RB1: variants seen among roughly 807,000 people sequenced by gnomAD.
RB1 encodes retinoblastoma-associated protein.
A neutral mutation model predicts 135.4 loss-of-function variants in RB1; 18 were observed. The observed-to-expected ratio is 0.13, with a 90% CI of 0.09 to 0.20. The LOEUF (loss-of-function observed/expected upper bound fraction) is 0.20, where lower values mean the gene tolerates loss of function less well. Among genes scored for constraint, RB1 ranks in the 10% least tolerant of loss-of-function variants. The pLI is 1.00. For missense variants in RB1, 868 were observed against 1,110.0 expected, an observed-to-expected ratio of 0.78 and a Z score of 3.10; for synonymous variants, 365 against 373.2, an observed-to-expected ratio of 0.98 and a Z score of 0.25.
intron 7 of RB1, chr13:48,360,723 T>C (rs1952631781): frequency 6.6e-6 from 1 of 152,482 alleles, no homozygotes; most frequent in Admixed American, 6.5e-5. Flanking sequence ...TAGATAGCAT[T>C]AAGGAAGTAT....
At chr13:48,408,681 A>G (rs1407333805) in intron 17 of RB1, 2 of 152,142 alleles carry the variant, frequency 1.3e-5, no homozygotes, top group African/African-American at 2.4e-5. Flanking sequence ...CTTTTTTTCC[A>G]TAGTTCTAGA....
intron 2 of RB1, among the ~76,000 whole-genome samples, chr13:48,321,781 A>G (rs1952244162): frequency 6.6e-6 from 1 of 152,120 alleles, no homozygotes; most frequent in Admixed American, 6.5e-5. Flanking sequence ...ACATGAACCC[A>G]GGAGGCGGAG....
chr13:48,338,742 G>T (rs190910676), intron 2 of RB1, among the ~76,000 whole-genome samples: 2 of 152,182 alleles, frequency 1.3e-5, no homozygotes, highest in East Asian at 3.9e-4. Context: ...TCCTTTGGAG[G>T]GGGAGAGGCA....
chr13:48,414,956 G>A (rs1948883185), intron 17 of RB1, among the ~76,000 whole-genome samples: 1 of 151,724 alleles, frequency 6.6e-6, no homozygotes, highest in South Asian at 2.1e-4. Context: ...TATTCTCATT[G>A]GAAAAAATTT....
chr13:48,323,240 A>G (rs142284886), intron 2 of RB1, among the ~76,000 whole-genome samples: 321 of 152,166 alleles, frequency 2.1e-3, no homozygotes, highest in Non-Finnish European at 3.5e-3. Flanking sequence ...TTTCTGAATC[A>G]GTTTTTATAC....
intron 18 of RB1, among the ~76,000 whole-genome samples, chr13:48,454,825 C>G (rs908354074): frequency 6.6e-6 from 1 of 152,164 alleles, no homozygotes. Context: ...GGCTGTAGGG[C>G]AGATCAAACT....
chr13:48,306,225 C>G (rs1034738667), intron 1 of RB1, among the ~76,000 whole-genome samples: 6 of 152,114 alleles, frequency 3.9e-5, no homozygotes, highest in African/African-American at 1.4e-4. Flanking sequence ...GGCAACAAAA[C>G]AAGACCCTGT....
chr13:48,431,339 AT>A (rs1366943818), intron 17 of RB1, among the ~76,000 whole-genome samples: 1 of 152,160 alleles, frequency 6.6e-6, no homozygotes, highest in East Asian at 1.9e-4. Flanking sequence ...TAGATGATTG[AT>A]TTTTAAGGAC....
intron 17 of RB1, among the ~76,000 whole-genome samples, chr13:48,433,964 T>G (rs2138286381): frequency 6.6e-6 from 1 of 152,090 alleles, no homozygotes; most frequent in Non-Finnish European, 1.5e-5. Context: ...ACTCAAGTTA[T>G]TCTCCTGCCT....
chr13:48,313,265 A>AT (rs1426984933), intron 2 of RB1, among the ~76,000 whole-genome samples: 1 of 151,916 alleles, frequency 6.6e-6, no homozygotes, highest in Admixed American at 6.6e-5. Context: ...CTTATAAGAT[A>AT]TATTATTTGC....
At chr13:48,337,592 C>T (rs1245862477) in intron 2 of RB1, among the ~76,000 whole-genome samples, 3 of 152,136 alleles carry the variant, frequency 2.0e-5, no homozygotes, top group African/African-American at 7.2e-5. Flanking sequence ...TGAGATGGAT[C>T]TCCTGAATAC....
intron 17 of RB1, among the ~76,000 whole-genome samples, chr13:48,388,778 G>A (rs555595085): frequency 1.3e-5 from 2 of 152,262 alleles, no homozygotes; most frequent in East Asian, 3.9e-4. Context: ...ACATTTAAAG[G>A]ATGGACAGAA....
intron 18 of RB1, among the ~76,000 whole-genome samples, chr13:48,454,918 A>C (rs1002271222): frequency 2.0e-5 from 3 of 152,192 alleles, no homozygotes; most frequent in African/African-American, 7.2e-5. Flanking sequence ...ATGAGACTGA[A>C]GAGCTAAGCT....
chr13:48,382,460 A>AT (rs1235133525), intron 17 of RB1, among the ~76,000 whole-genome samples: 1 of 151,992 alleles, frequency 6.6e-6, no homozygotes, highest in Non-Finnish European at 1.5e-5. Context: ...GATGATGAGC[A>AT]TTTTTTCATG....
intron 17 of RB1, chr13:48,411,729 A>G: frequency 6.2e-7 from 1 of 1,608,276 alleles, no homozygotes; most frequent in Non-Finnish European, 8.5e-7. Context: ...CAAATGTACA[A>G]AAATCATTTT....
chr13:48,446,281 T>C (rs959004537), intron 17 of RB1, among the ~76,000 whole-genome samples: 2 of 152,066 alleles, frequency 1.3e-5, no homozygotes, highest in Non-Finnish European at 2.9e-5. Flanking sequence ...TATTCTCACT[T>C]TGAGGTGGAG....
chr13:48,313,991 G>C (rs532386378), intron 2 of RB1, among the ~76,000 whole-genome samples: 3 of 151,804 alleles, frequency 2.0e-5, no homozygotes, highest in African/African-American at 7.3e-5. Context: ...CCTCGTGATC[G>C]CCCACCTCGG....
intron 17 of RB1, among the ~76,000 whole-genome samples, chr13:48,410,199 G>A (rs182779618): frequency 6.6e-6 from 1 of 152,260 alleles, no homozygotes; most frequent in African/African-American, 2.4e-5. Flanking sequence ...TAGCATTTTG[G>A]TCAATGACCG....
At position 48,453,125 on chromosome 13, in the gene RB1, A is replaced by G; in HGVS notation, c.1814+14A>G. Reference sequence around the variant, plus strand: ...TGCAGCAGATATGTAAGCAAAATATATGTTATGTTGACCATTCAAACTGCA... The same window carrying G: ...TGCAGCAGATATGTAAGCAAAATATGTGTTATGTTGACCATTCAAACTGCA... On this transcript the variant is annotated intron_variant, in intron 18 of 26. Coordinates refer to ENST00000267163, the MANE Select transcript of RB1 (RefSeq NM_000321.3). The G allele has an allele frequency of 6.2e-7, 1 of 1,606,162 alleles. No homozygotes were observed. Among genetic ancestry groups the G allele is most frequent in the African/African-American group, 1.3e-5 (1 of 74,944 alleles).
Sources: allele counts gnomAD v4.1 joint callset (sites outside exome capture counted in the v4.1 genomes callset), GRCh38; gene constraint gnomAD v4.1.1; transcripts MANE v1.5; gene names NCBI Gene and HGNC (gene_info 2026-07-23, HGNC 2026-07-21).